Variants in CEP85L observed in about 807,000 individuals in gnomAD.
CEP85L encodes the protein centrosomal protein of 85 kDa-like.
CEP85L carries 60 observed loss-of-function variants against 100.3 expected under a neutral mutation model. That is an observed-to-expected ratio of 0.60 (90% CI 0.49 to 0.74). The LOEUF (loss-of-function observed/expected upper bound fraction) is 0.74, where lower values mean the gene tolerates loss of function less well. Ranked by LOEUF, CEP85L falls within the 30% of genes least tolerant of loss-of-function variation. The probability of loss-of-function intolerance (pLI) is 0.00; values close to 1 mark genes in which losing one functional copy is unlikely to be tolerated. For missense variants in CEP85L, 973 were observed against 936.2 expected (o/e 1.04, Z -0.51); for synonymous variants, 319 against 322.7 (o/e 0.99, Z 0.12).
chr6:118,468,947 C>T lies in CEP85L; in HGVS notation c.2254+125G>A, dbSNP rs542735131. ...GTAATAACAGGTATACATAAACCCA[C>T]AGACTGATTCTAAGTAGGAAAAGAG... On this transcript the variant is annotated intron_variant, in intron 12 of 12. Coordinates refer to ENST00000368491, the MANE Select transcript of CEP85L (RefSeq NM_001042475.3). 1.3e-4 allele frequency: 87 copies of T among 668,488 alleles called. No homozygotes were observed. The South Asian group carries it at 1.6e-3, about 12-fold the overall frequency. The allele number at this position is 668,488 out of a possible 1,614,324, so 41.4% of individuals were successfully genotyped here. A position where few individuals can be genotyped will look rare whatever the true frequency, so the allele number is the denominator to read the frequency against.
chr6:118,685,019 C>A (rs1776786946), intron 1 of CEP85L, among the ~76,000 whole-genome samples: 1 of 152,044 alleles, frequency 6.6e-6, no homozygotes, highest in African/African-American at 2.4e-5. Context: ...AAGAAATGAA[C>A]CCTGACGGTA....
At chr6:118,576,023 A>T (rs1300663764) in intron 2 of CEP85L, among the ~76,000 whole-genome samples, 1 of 152,170 alleles carries the variant, frequency 6.6e-6, no homozygotes, top group African/African-American at 2.4e-5. Flanking sequence ...CTGTTAGAAC[A>T]TATCATACCC....
intron 2 of CEP85L, among the ~76,000 whole-genome samples, chr6:118,632,130 C>T (rs1774204239): frequency 6.6e-6 from 1 of 151,028 alleles, no homozygotes. Context: ...GCTGGGACTA[C>T]AGGCGCCCGC....
At chr6:118,555,082 A>G (rs535249122) in intron 3 of CEP85L, among the ~76,000 whole-genome samples, 15 of 152,342 alleles carry the variant, frequency 9.8e-5, no homozygotes, top group Non-Finnish European at 1.9e-4. Context: ...AATAGGAATT[A>G]CCAAGTCTAA....
chr6:118,636,661 A>G (rs1413698113), intron 1 of CEP85L, among the ~76,000 whole-genome samples: 2 of 152,216 alleles, frequency 1.3e-5, no homozygotes, highest in African/African-American at 4.8e-5. Context: ...AGGCCTGAAC[A>G]CAACAAAAAA....
intron 12 of CEP85L, among the ~76,000 whole-genome samples, chr6:118,468,157 C>T (rs1772671716): frequency 6.6e-6 from 1 of 152,128 alleles, no homozygotes; most frequent in Admixed American, 6.6e-5. Flanking sequence ...TAGTTGAGCA[C>T]AGATAATGTT....
intron 3 of CEP85L, among the ~76,000 whole-genome samples, chr6:118,533,153 TAAAACAGAAA>T (rs1476567608): frequency 1.3e-5 from 2 of 151,760 alleles, no homozygotes; most frequent in Non-Finnish European, 2.9e-5. Flanking sequence ...CAATAGAGTT[TAAAACAGAAA>T]AAAACAGAAA....
intron 3 of CEP85L, among the ~76,000 whole-genome samples, chr6:118,530,521 G>A (rs1007673675): frequency 1.3e-5 from 2 of 152,026 alleles, no homozygotes; most frequent in Non-Finnish European, 2.9e-5. Flanking sequence ...CCTAGCCAGA[G>A]CAATCAGGCA....
chr6:118,602,810 A>C (rs564553386), intron 2 of CEP85L, among the ~76,000 whole-genome samples: 2 of 152,198 alleles, frequency 1.3e-5, no homozygotes, highest in Middle Eastern at 6.8e-3. Flanking sequence ...CCATAGATGG[A>C]ATTTCAGATA....
chr6:118,708,621 C>T (rs1340699128), intron 1 of CEP85L, among the ~76,000 whole-genome samples: 1 of 152,146 alleles, frequency 6.6e-6, no homozygotes, highest in Admixed American at 6.5e-5. Flanking sequence ...GTATACCTGG[C>T]ACAGAACCTA....
At chr6:118,512,350 T>C (rs1342416953) in intron 4 of CEP85L, among the ~76,000 whole-genome samples, 5 of 152,012 alleles carry the variant, frequency 3.3e-5, no homozygotes, top group Non-Finnish European at 5.9e-5. Context: ...ACGGTGTGTG[T>C]AGAGTGGAAG....
At chr6:118,591,824 C>G (rs1004573169) in intron 2 of CEP85L, among the ~76,000 whole-genome samples, 24 of 152,160 alleles carry the variant, frequency 1.6e-4, no homozygotes, top group African/African-American at 5.8e-4. Flanking sequence ...CCTGGACACC[C>G]TCCACCGGTA....
intron 12 of CEP85L, among the ~76,000 whole-genome samples, chr6:118,466,974 G>A (rs1562166611): frequency 6.6e-6 from 1 of 152,132 alleles, no homozygotes. Context: ...CTTGAGTGAT[G>A]GGCAGGGATT....
chr6:118,472,066 A>T (rs1773001411), intron 10 of CEP85L, among the ~76,000 whole-genome samples: 1 of 151,766 alleles, frequency 6.6e-6, no homozygotes, highest in Admixed American at 6.6e-5. Flanking sequence ...ACTAAACTCG[A>T]GGGGTGTTTT....
Position 118,505,409 on chromosome 6 carries a change from C to CAAAAAAAAAAAAA in CEP85L, c.1257+5876_1257+5888dup, listed in dbSNP as rs56893664. 3.5e-4 allele frequency among the ~76,000 whole-genome samples: 25 copies of CAAAAAAAAAAAAA among 71,814 alleles called. 1 individual carries two copies. Among genetic ancestry groups the CAAAAAAAAAAAAA allele is most frequent in the South Asian group, 1.5e-3 (3 of 1,988 alleles). 47.1% of individuals were successfully genotyped at this position (71,814 alleles called of 152,430 possible). ...TGAGCCAAGATCACGTCACTGTACT[C>CAAAAAAAAAAAAA]AAAAAAAAAAAAAAAAAAAAAAAAA... On this transcript the variant is annotated intron_variant, in intron 5 of 12. Transcript: ENST00000368491.
intron 1 of CEP85L, among the ~76,000 whole-genome samples, chr6:118,680,739 G>A (rs1323616486): frequency 3.3e-5 from 5 of 152,080 alleles, no homozygotes; most frequent in African/African-American, 4.8e-5. Context: ...AACTGGTTTG[G>A]TGGCACACAC....
chr6:118,484,006 ATTTC>A lies in CEP85L; in HGVS notation c.1438-152_1438-149del, dbSNP rs748844964. Reference sequence around the variant, plus strand: ...TAGCAACTCAATTAAGATTTACCTTATTTCATTCTAAGATTTACACTTGCCGGGT... The same window carrying A: ...TAGCAACTCAATTAAGATTTACCTTAATTCTAAGATTTACACTTGCCGGGT... On this transcript the variant is annotated intron_variant, in intron 6 of 12. Coordinates refer to ENST00000368491, the MANE Select transcript of CEP85L (RefSeq NM_001042475.3). 1.3e-3 allele frequency: 898 copies of A among 701,782 alleles called. 3 individuals are homozygous for A. The highest frequency in any genetic ancestry group is 1.7e-3 in the Non-Finnish European group (738 of 432,128). 43.5% of individuals were successfully genotyped at this position (701,782 alleles called of 1,614,324 possible). A position where few individuals can be genotyped will look rare whatever the true frequency, so the allele number is the denominator to read the frequency against.
At chr6:118,672,402 CTA>C (rs1776335678) in intron 1 of CEP85L, among the ~76,000 whole-genome samples, 1 of 151,934 alleles carries the variant, frequency 6.6e-6, no homozygotes, top group Non-Finnish European at 1.5e-5. Flanking sequence ...TGAATATTGA[CTA>C]TGTACTCAGA....
At chr6:118,511,052 G>A (rs1405015936) in intron 5 of CEP85L, among the ~76,000 whole-genome samples, 3 of 152,056 alleles carry the variant, frequency 2.0e-5, no homozygotes, top group African/African-American at 7.2e-5. Flanking sequence ...CTTGTGATAT[G>A]CATCAACTCT....
Sources: allele counts gnomAD v4.1 joint callset (sites outside exome capture counted in the v4.1 genomes callset), GRCh38; gene constraint gnomAD v4.1.1; transcripts MANE v1.5; gene names NCBI Gene and HGNC (gene_info 2026-07-23, HGNC 2026-07-21).